The following FBXO34 variants were observed in gnomAD, a reference collection of about 807,000 sequenced individuals.
The protein encoded by FBXO34 is F-box only protein 34.
FBXO34 carries 12 observed loss-of-function variants against 24.5 expected under a neutral mutation model. That is an observed-to-expected ratio of 0.49 (90% confidence interval 0.31 to 0.79). The LOEUF (loss-of-function observed/expected upper bound fraction) is 0.79, where lower values mean the gene tolerates loss of function less well. Ranked by LOEUF, FBXO34 falls within the 30% of genes least tolerant of loss-of-function variation. The probability of loss-of-function intolerance (pLI) is 0.04; values close to 1 mark genes in which losing one functional copy is unlikely to be tolerated. For missense variants in FBXO34, 823 were observed against 857.7 expected (o/e 0.96, Z 0.51); for synonymous variants, 320 against 311.9 (o/e 1.03, Z -0.27).
At chr14:55,411,340 T>C in the FBXO34 span, among the ~76,000 whole-genome samples, 1 of 152,188 alleles carries the variant, frequency 6.6e-6, no homozygotes, top group African/African-American at 2.4e-5. Flanking sequence ...ACTTATTCCT[T>C]TTTTCCCCAG....
chr14:55,440,610 G>C, the FBXO34 span: 2 of 1,491,078 alleles, frequency 1.3e-6, no homozygotes, highest in Non-Finnish European at 1.8e-6. Flanking sequence ...GGGCGCGAGA[G>C]AAGCGTTGGG....
At chr14:55,397,457 CTTAT>C in the FBXO34 span, 2 of 1,588,532 alleles carry the variant, frequency 1.3e-6, no homozygotes, top group Non-Finnish European at 1.7e-6. Flanking sequence ...AATTCAATGT[CTTAT>C]TTAAATGGTC....
At chr14:55,382,563 A>G in the FBXO34 span, among the ~76,000 whole-genome samples, 2 of 152,106 alleles carry the variant, frequency 1.3e-5, no homozygotes, top group Non-Finnish European at 2.9e-5. Context: ...GCCTCAAACA[A>G]TCCTCTGAAA....
At chr14:55,400,371 T>C in the FBXO34 span, among the ~76,000 whole-genome samples, 1 of 152,236 alleles carries the variant, frequency 6.6e-6, no homozygotes, top group Non-Finnish European at 1.5e-5. Context: ...GTTTTCCAAA[T>C]TGCAGCTGTC....
At chr14:55,281,358 T>A (rs1032523119) in intron 1 of FBXO34, among the ~76,000 whole-genome samples, 12 of 151,738 alleles carry the variant, frequency 7.9e-5, no homozygotes, top group Admixed American at 2.6e-4. Flanking sequence ...ATAGGACAGA[T>A]CTAGACCAAT....
chr14:55,378,808 C>T, the FBXO34 span, among the ~76,000 whole-genome samples: 143 of 152,222 alleles, frequency 9.4e-4, no homozygotes, highest in African/African-American at 3.3e-3. Flanking sequence ...TGGGCTCAAG[C>T]GATCCTCCCA....
downstream of FBXO34, among the ~76,000 whole-genome samples, chr14:55,363,674 C>G (rs554561725): frequency 1.3e-5 from 2 of 152,246 alleles, no homozygotes; most frequent in African/African-American, 4.8e-5. Context: ...GGCCCATGAG[C>G]TGCATGCGGC....
rs1206141360 is a variant in FBXO34 at position 55,331,757 on chromosome 14, ATATG to A, written c.-10-18620_-10-18617del. 1.2e-3 allele frequency among the ~76,000 whole-genome samples: 71 copies of A among 61,550 alleles called. 19 individuals are homozygous for A. Among genetic ancestry groups the A allele is most frequent in the African/African-American group, 2.4e-3 (11 of 4,612 alleles). The allele number at this position is 61,550 out of a possible 152,430, so 40.4% of individuals were successfully genotyped here. A position where few individuals can be genotyped will look rare whatever the true frequency, so the allele number is the denominator to read the frequency against. ...TATATATATGTGTGTATATATATAT[ATATG>A]TATATATATATATATATACCACCAT... is the stretch of plus-strand genomic sequence containing the variant. On this transcript the variant is annotated intron_variant, in intron 1 of 1. Transcript: ENST00000313833.
the FBXO34 span, among the ~76,000 whole-genome samples, chr14:55,388,903 G>C: frequency 6.6e-6 from 1 of 152,112 alleles, no homozygotes; most frequent in Admixed American, 6.5e-5. Flanking sequence ...CTGTTAACCA[G>C]TCATGATGAG....
chr14:55,390,966 C>T, the FBXO34 span: 1 of 1,607,476 alleles, frequency 6.2e-7, no homozygotes, highest in South Asian at 1.1e-5. Context: ...GTTCAATCCT[C>T]ATCTTGCAGG....
At chr14:55,411,536 G>C in the FBXO34 span, 1 of 1,492,018 alleles carries the variant, frequency 6.7e-7, no homozygotes. Flanking sequence ...CCAGGTTCCA[G>C]CCTTCGGCTG....
chr14:55,274,045 C>G (rs190680560), intron 1 of FBXO34, among the ~76,000 whole-genome samples: 96 of 152,238 alleles, frequency 6.3e-4, no homozygotes, highest in Non-Finnish European at 2.9e-4. Context: ...ACCTCGTGAT[C>G]CGCCCACCTC....
At chr14:55,275,056 T>C (rs901096741) in intron 1 of FBXO34, among the ~76,000 whole-genome samples, 3 of 152,218 alleles carry the variant, frequency 2.0e-5, no homozygotes, top group African/African-American at 7.2e-5. Flanking sequence ...TTGCATAATT[T>C]ATCTTCTCCC....
the FBXO34 span, among the ~76,000 whole-genome samples, chr14:55,409,223 C>A: frequency 6.6e-6 from 1 of 152,188 alleles, no homozygotes; most frequent in Non-Finnish European, 1.5e-5. Flanking sequence ...GGATAACTCC[C>A]AGTTTTCTGG....
At chr14:55,319,342 G>T (rs1016314022) in intron 1 of FBXO34, among the ~76,000 whole-genome samples, 1 of 152,140 alleles carries the variant, frequency 6.6e-6, no homozygotes, top group East Asian at 1.9e-4. Flanking sequence ...TGTGAAGATG[G>T]TAATTATTTT....
At chr14:55,285,761 T>C (rs1178958103) in intron 1 of FBXO34, among the ~76,000 whole-genome samples, 1 of 152,250 alleles carries the variant, frequency 6.6e-6, no homozygotes, top group African/African-American at 2.4e-5. Flanking sequence ...CAAGTGTTCC[T>C]TTAACCGAAC....
At chr14:55,355,438 C>CT (rs1488257452), downstream of FBXO34, among the ~76,000 whole-genome samples, 14 of 152,204 alleles carry the variant, frequency 9.2e-5, no homozygotes, top group Admixed American at 2.6e-4. Flanking sequence ...GTCACCGTAT[C>CT]TTTGGCCCTC....
chr14:55,397,713 C>T, the FBXO34 span, among the ~76,000 whole-genome samples: 1 of 152,204 alleles, frequency 6.6e-6, no homozygotes, highest in East Asian at 1.9e-4. Context: ...AAAACAGGCA[C>T]ATCAGAACAC....
At chr14:55,311,814 A>G (rs1882751425) in intron 1 of FBXO34, among the ~76,000 whole-genome samples, 1 of 150,692 alleles carries the variant, frequency 6.6e-6, no homozygotes, top group South Asian at 2.1e-4. Context: ...TGCAACCTCC[A>G]CCTCCTGGGT....
Sources: gnomAD v4.1 joint callset for allele counts (sites outside exome capture counted in the v4.1 genomes callset) on GRCh38, gnomAD v4.1.1 for gene constraint, MANE v1.5 for transcripts, NCBI Gene and HGNC (gene_info 2026-07-23, HGNC 2026-07-21) for gene names.